The following AUTS2 variants were observed in gnomAD, a reference collection of about 807,000 sequenced individuals.
The protein encoded by AUTS2 is activator of transcription and developmental regulator AUTS2.
AUTS2 carries 17 observed loss-of-function variants against 112.4 expected under a neutral mutation model. That is an observed-to-expected ratio of 0.15 (90% CI 0.10 to 0.23). AUTS2 has a LOEUF of 0.23. Among genes scored for constraint, AUTS2 ranks in the 10% least tolerant of loss-of-function variants. The pLI, the probability that AUTS2 is intolerant of heterozygous loss-of-function variation, is 1.00. For missense variants in AUTS2, 1,510 were observed against 1,701.6 expected (o/e 0.89, Z 1.98); for synonymous variants, 751 against 702.7 (o/e 1.07, Z -1.09).
intron 4 of AUTS2, among the ~76,000 whole-genome samples, chr7:70,303,123 A>T (rs1789299661): frequency 6.6e-6 from 1 of 152,150 alleles, no homozygotes; most frequent in African/African-American, 2.4e-5. Flanking sequence ...AAGGAAACCT[A>T]CATAAGACTC....
At chr7:70,571,886 A>G (rs1801957441) in intron 5 of AUTS2, among the ~76,000 whole-genome samples, 2 of 152,100 alleles carry the variant, frequency 1.3e-5, no homozygotes, top group South Asian at 4.1e-4. Context: ...TGGGACTTGG[A>G]GGGAATCTGA....
At chr7:69,623,202 A>G (rs1277733427) in intron 1 of AUTS2, among the ~76,000 whole-genome samples, 1 of 151,988 alleles carries the variant, frequency 6.6e-6, no homozygotes, top group Non-Finnish European at 1.5e-5. Flanking sequence ...TGGCTCTGGA[A>G]CATTAGTGTT....
chr7:69,918,589 T>A (rs886778084), intron 2 of AUTS2, among the ~76,000 whole-genome samples: 8 of 152,248 alleles, frequency 5.3e-5, no homozygotes, highest in African/African-American at 1.9e-4. Context: ...ACCAGTAAAT[T>A]GTGTAGACTT....
At chr7:69,620,198 C>T (rs1411157931) in intron 1 of AUTS2, among the ~76,000 whole-genome samples, 1 of 152,166 alleles carries the variant, frequency 6.6e-6, no homozygotes, top group Admixed American at 6.5e-5. Flanking sequence ...GTGGAATCCA[C>T]TAATCCATCT....
In AUTS2 at chr7:70,668,880, C is replaced by T. The variant is rs149514797; in HGVS notation, c.691-29689C>T. The stretch of plus-strand genomic sequence containing the variant: ...AGGGCTTGGGCAGTAAGGCACGCTT[C>T]CCTGGGGAGGGTGGTGGTGGCTGGG... On this transcript the variant is annotated intron_variant, in intron 5 of 18. Coordinates refer to ENST00000342771, the MANE Select transcript of AUTS2 (RefSeq NM_015570.4). 5.1e-3 allele frequency among the ~76,000 whole-genome samples: 783 copies of T among 152,272 alleles called. 9 individuals carry two copies. The highest frequency in any genetic ancestry group is 0.018 in the African/African-American group (734 of 41,564).
At chr7:70,140,008 AT>A (rs1584780727) in intron 4 of AUTS2, among the ~76,000 whole-genome samples, 1 of 152,344 alleles carries the variant, frequency 6.6e-6, no homozygotes, top group East Asian at 1.9e-4. Flanking sequence ...AAAAAAATTT[AT>A]AAATGAGGTT....
intron 1 of AUTS2, among the ~76,000 whole-genome samples, chr7:69,700,794 T>A (rs1797771103): frequency 6.6e-6 from 1 of 152,190 alleles, no homozygotes; most frequent in Non-Finnish European, 1.5e-5. Context: ...TCGAGCACAT[T>A]AAATATTTGG....
intron 4 of AUTS2, among the ~76,000 whole-genome samples, chr7:70,335,408 T>G (rs1222843011): frequency 6.6e-6 from 1 of 152,230 alleles, no homozygotes; most frequent in Non-Finnish European, 1.5e-5. Context: ...CATGGGATTC[T>G]GCTCCCCGAA....
intron 5 of AUTS2, among the ~76,000 whole-genome samples, chr7:70,488,033 GCCGAGT>G (rs1188954445): frequency 6.6e-6 from 1 of 152,198 alleles, no homozygotes; most frequent in African/African-American, 2.4e-5. Flanking sequence ...TCAGAACGGA[GCCGAGT>G]CCAGAAACAC....
At chr7:70,111,582 G>A (rs1369552063) in intron 2 of AUTS2, among the ~76,000 whole-genome samples, 1 of 152,092 alleles carries the variant, frequency 6.6e-6, no homozygotes, top group Non-Finnish European at 1.5e-5. Flanking sequence ...GAAAAATCCT[G>A]TTAGAACTTG....
intron 4 of AUTS2, among the ~76,000 whole-genome samples, chr7:70,399,678 A>G (rs1474836559): frequency 2.0e-5 from 3 of 152,202 alleles, no homozygotes; most frequent in Non-Finnish European, 1.5e-5. Context: ...TTATATGTCC[A>G]TATTCATAGT....
rs1398777976 is a variant in AUTS2 at position 69,881,301 on chromosome 7, C to T, written c.310-17985C>T. Among the ~76,000 whole-genome samples, 5 of 152,020 alleles carry T rather than the reference C, an allele frequency of 3.3e-5. No homozygotes were observed. In the East Asian group the frequency reaches 9.7e-4, roughly 29 times the overall value. On this transcript the variant is annotated intron_variant, in intron 1 of 18. Coordinates refer to ENST00000342771, the MANE Select transcript of AUTS2 (RefSeq NM_015570.4). ...TCCTTTTTCCCCGTCTTTCCCTGTT[C>T]CATTAAGCCTTGTGTGGGAAGATTT...
intron 2 of AUTS2, among the ~76,000 whole-genome samples, chr7:69,928,430 A>T (rs1279300013): frequency 6.6e-6 from 1 of 152,132 alleles, no homozygotes; most frequent in Non-Finnish European, 1.5e-5. Flanking sequence ...GCCGTGATCA[A>T]CATGCTGTCC....
At chr7:70,349,081 C>T (rs1037925133) in intron 4 of AUTS2, among the ~76,000 whole-genome samples, 1 of 152,284 alleles carries the variant, frequency 6.6e-6, no homozygotes, top group Admixed American at 6.5e-5. Context: ...GAAGTAGACA[C>T]TACTACTACT....
At chr7:69,882,911 C>T (rs1350477926) in intron 1 of AUTS2, among the ~76,000 whole-genome samples, 2 of 152,064 alleles carry the variant, frequency 1.3e-5, no homozygotes, top group Admixed American at 1.3e-4. Flanking sequence ...AATGACTTAC[C>T]AGTCATTAAT....
At chr7:70,239,690 C>T (rs1375492527) in intron 4 of AUTS2, among the ~76,000 whole-genome samples, 2 of 152,164 alleles carry the variant, frequency 1.3e-5, no homozygotes, top group Non-Finnish European at 2.9e-5. Context: ...CCACCTGGGA[C>T]TCCCAAAGTG....
chr7:69,892,321 A>G (rs556816218), intron 1 of AUTS2, among the ~76,000 whole-genome samples: 1 of 151,456 alleles, frequency 6.6e-6, no homozygotes, highest in South Asian at 2.1e-4. Flanking sequence ...ATAGGCGCGT[A>G]CCACCACACC....
rs1180290377 is a variant in AUTS2, at chr7:70,262,336, C to T, written c.660+127765C>T. Among the ~76,000 whole-genome samples, 4 of 152,166 alleles carry T rather than the reference C, an allele frequency of 2.6e-5. No homozygotes were observed. In the East Asian group the frequency reaches 7.8e-4, roughly 29 times the overall value. ...TCCGGAGTAGCTGGGATTACAGGCA[C>T]CTGCCACCACACCCAACCAATTTTT... On this transcript the variant is annotated intron_variant, in intron 4 of 18. Coordinates refer to ENST00000342771, the MANE Select transcript of AUTS2 (RefSeq NM_015570.4).
At chr7:70,753,024 C>T (rs1788966138) in intron 6 of AUTS2, among the ~76,000 whole-genome samples, 2 of 152,112 alleles carry the variant, frequency 1.3e-5, no homozygotes, top group African/African-American at 4.8e-5. Context: ...GCATGTGCAT[C>T]AGGATTGATG....
Sources: gnomAD v4.1 joint callset for allele counts (sites outside exome capture counted in the v4.1 genomes callset) on GRCh38, gnomAD v4.1.1 for gene constraint, MANE v1.5 for transcripts, NCBI Gene and HGNC (gene_info 2026-07-23, HGNC 2026-07-21) for gene names.